KAZN: variants seen among roughly 807,000 people sequenced by gnomAD.
The protein encoded by KAZN is kazrin, periplakin interacting protein, also known as kazrin.
Under a neutral mutation model 87.4 loss-of-function variants are expected in KAZN, and 40 were observed. The ratio of observed to expected loss-of-function variants is 0.46; its 90% CI spans 0.36 to 0.60. The LOEUF is 0.60. KAZN is among the 20% of genes least tolerant of loss of function. The probability of loss-of-function intolerance (pLI) is 0.00; values close to 1 mark genes in which losing one functional copy is unlikely to be tolerated. For missense variants in KAZN, 898 were observed against 1,073.9 expected (o/e 0.84, Z 2.29); for synonymous variants, 466 against 458.3 (o/e 1.02, Z -0.22).
At chr1:14,973,616 C>G (rs1665311550) in intron 2 of KAZN, among the ~76,000 whole-genome samples, 1 of 152,140 alleles carries the variant, frequency 6.6e-6, no homozygotes, top group Admixed American at 6.5e-5. Flanking sequence ...AAAGTTAGTC[C>G]TCTTTCCAAA....
intron 2 of KAZN, among the ~76,000 whole-genome samples, chr1:14,565,493 G>C (rs1674501690): frequency 6.6e-6 from 1 of 152,206 alleles, no homozygotes; most frequent in Admixed American, 6.5e-5. Flanking sequence ...GTGGCTGCTG[G>C]AGGTTAGCGT....
intron 8 of KAZN, among the ~76,000 whole-genome samples, chr1:15,072,787 C>A (rs1306787375): frequency 2.6e-5 from 4 of 152,146 alleles, no homozygotes; most frequent in African/African-American, 9.7e-5. Flanking sequence ...AGTCCATGTT[C>A]TTGGTAACTT....
At chr1:14,469,846 GTGACTATTTGCACT>G (rs140087174) in intron 2 of KAZN, among the ~76,000 whole-genome samples, 5,162 of 152,278 alleles carry the variant, frequency 0.034, 232 homozygotes, top group East Asian at 0.18. Context: ...TCAGACATAA[GTGACTATTTGCACT>G]TGCCAGGTTA....
At chr1:14,585,394 C>T (rs372088349) in intron 2 of KAZN, among the ~76,000 whole-genome samples, 13 of 152,292 alleles carry the variant, frequency 8.5e-5, no homozygotes, top group East Asian at 1.9e-4. Flanking sequence ...AATGGCAGGA[C>T]GTGGCTAGGG....
chr1:14,343,037 A>G lies in KAZN; in HGVS notation c.249+162445A>G, dbSNP rs551594723. Among the ~76,000 whole-genome samples the G allele has an allele frequency of 8.5e-5, 13 of 152,266 alleles. No homozygotes were observed. In the South Asian group the frequency reaches 2.3e-3, roughly 27 times the overall value. ...GCGCCTGTAATCCCAGCTACTCAGG[A>G]GGCTGAGGCAGGAGAATCACTTGAA... On this transcript the variant is annotated intron_variant, in intron 2 of 16. Coordinates refer to the KAZN transcript ENST00000636203.
In KAZN at chr1:14,133,380, AGAAAGAAAGAAAGAAAGAAAGAAAGAAAG is replaced by A. The variant is rs1160892527; in HGVS notation, c.92-47054_92-47026del. Among the ~76,000 whole-genome samples the A allele has an allele frequency of 3.0e-3, 65 of 21,524 alleles. 5 individuals are homozygous for A. The highest frequency in any genetic ancestry group is 9.4e-3 in the African/African-American group (58 of 6,192). The allele number at this position is 21,524 out of a possible 152,430, so 14.1% of individuals were successfully genotyped here. On this transcript the variant is annotated intron_variant, in intron 1 of 16. Coordinates refer to the KAZN transcript ENST00000636203. ...GACTCCCTCTCAAAAAAAAAAAAAA[AGAAAGAAAGAAAGAAAGAAAGAAAGAAAG>A]AAAGAAAGAAAGAAAGAAAGAAAGA... is the stretch of plus-strand genomic sequence containing the variant.
chr1:15,052,750 G>A (rs1346285302), intron 4 of KAZN, among the ~76,000 whole-genome samples: 1 of 152,148 alleles, frequency 6.6e-6, no homozygotes, highest in Non-Finnish European at 1.5e-5. Context: ...TGGGCAGAGT[G>A]GACAGTTTAT....
intron 8 of KAZN, among the ~76,000 whole-genome samples, chr1:15,068,619 C>G (rs1316422545): frequency 6.6e-6 from 1 of 151,868 alleles, no homozygotes; most frequent in Non-Finnish European, 1.5e-5. Context: ...AGAGAGGGAG[C>G]CACAGGCTTC....
intron 2 of KAZN, among the ~76,000 whole-genome samples, chr1:14,310,281 T>C (rs1368244535): frequency 6.6e-6 from 1 of 152,086 alleles, no homozygotes; most frequent in East Asian, 1.9e-4. Context: ...GAAGATACGG[T>C]TGGAGCCAGA....
At chr1:13,943,181 G>C (rs1641003336) in intron 1 of KAZN, among the ~76,000 whole-genome samples, 1 of 151,982 alleles carries the variant, frequency 6.6e-6, no homozygotes, top group South Asian at 2.1e-4. Context: ...CAAAACTTAT[G>C]AAAATGAAAA....
In KAZN at chr1:14,598,944, G is replaced by A; in HGVS notation, c.-54G>A. 6.4e-7 allele frequency: 1 copy of A among 1,556,756 alleles called. No homozygotes were observed. Among genetic ancestry groups the A allele is most frequent in the East Asian group, 2.7e-5 (1 of 37,514 alleles). On this transcript the variant is annotated 5_prime_UTR_variant, in exon 1 of 15. Transcript: ENST00000376030. This position sits in a 1 kb window ranked among gnomAD's most constrained non-coding sequence, Gnocchi z 4.2. ...GGGGGTGCCCGGCCGCGCGCCCCCC[G>A]CGCATCATGCAGCTCTTTGTCACCT...
chr1:14,114,046 C>A (rs1313576049), intron 1 of KAZN, among the ~76,000 whole-genome samples: 1 of 152,194 alleles, frequency 6.6e-6, no homozygotes, highest in African/African-American at 2.4e-5. Flanking sequence ...TCTCTCACAG[C>A]TCAATGAGTC....
intron 2 of KAZN, among the ~76,000 whole-genome samples, chr1:14,364,445 A>G (rs555016251): frequency 1.3e-5 from 2 of 152,318 alleles, no homozygotes; most frequent in African/African-American, 4.8e-5. Context: ...TACATTTCTG[A>G]ACAAATGTTC....
chr1:15,012,128 A>C (rs531868834), intron 2 of KAZN, among the ~76,000 whole-genome samples: 1 of 152,252 alleles, frequency 6.6e-6, no homozygotes, highest in South Asian at 2.1e-4. Flanking sequence ...CGTTTTACAA[A>C]TGAGGAAACA....
At chr1:15,109,023 G>T (rs1382430996) in intron 13 of KAZN, among the ~76,000 whole-genome samples, 1 of 152,132 alleles carries the variant, frequency 6.6e-6, no homozygotes, top group African/African-American at 2.4e-5. Flanking sequence ...CACACTGGAG[G>T]CCAAGGTCAC....
chr1:14,140,277 T>C (rs1021384029), intron 1 of KAZN, among the ~76,000 whole-genome samples: 13 of 152,080 alleles, frequency 8.5e-5, no homozygotes, highest in South Asian at 2.1e-4. Context: ...AAAACTGGGA[T>C]AATATGAGGA....
intron 1 of KAZN, among the ~76,000 whole-genome samples, chr1:14,708,449 T>C (rs1642323718): frequency 6.6e-6 from 1 of 152,198 alleles, no homozygotes; most frequent in African/African-American, 2.4e-5. Context: ...CAAAAAAAAC[T>C]TTTTTCTAGA....
At chr1:14,491,922 C>T (rs1369865376) in intron 2 of KAZN, among the ~76,000 whole-genome samples, 4 of 152,086 alleles carry the variant, frequency 2.6e-5, no homozygotes, top group Non-Finnish European at 5.9e-5. Context: ...TTTGCCTATC[C>T]CTCCCTTTTT....
intron 2 of KAZN, among the ~76,000 whole-genome samples, chr1:15,025,723 C>A (rs1020883628): frequency 6.6e-6 from 1 of 152,142 alleles, no homozygotes; most frequent in Non-Finnish European, 1.5e-5. Context: ...AGATCATGGG[C>A]CTGAGCGACA....
Sources: gnomAD v4.1 joint callset for allele counts (sites outside exome capture counted in the v4.1 genomes callset) on GRCh38, gnomAD v4.1.1 for gene constraint, Gnocchi (gnomAD v3.1) non-coding constraint, MANE v1.5 for transcripts, NCBI Gene and HGNC (gene_info 2026-07-23, HGNC 2026-07-21) for gene names.